PLCL2: variants seen among roughly 807,000 people sequenced by gnomAD.
The protein encoded by PLCL2 is phospholipase C like 2, also known as inactive phospholipase C-like protein 2.
PLCL2 carries 4 observed loss-of-function variants against 79.6 expected under a neutral mutation model. The observed-to-expected ratio is 0.05, with a 90% CI of 0.02 to 0.11. PLCL2 has a LOEUF of 0.11. PLCL2 is among the 10% of genes least tolerant of loss of function. PLCL2 has a pLI of 1.00. For missense variants in PLCL2, 895 were observed against 1,291.0 expected, an observed-to-expected ratio of 0.69 and a Z score of 4.70; for synonymous variants, 484 against 457.7, an observed-to-expected ratio of 1.06 and a Z score of -0.73.
chr3:17,084,932 G>A (rs760393528), intron 5 of PLCL2, among the ~76,000 whole-genome samples: 29 of 152,078 alleles, frequency 1.9e-4, no homozygotes, highest in Non-Finnish European at 4.0e-4. Flanking sequence ...CCTAGCTAAT[G>A]AAGAAAGACA....
chr3:16,963,436 T>A (rs2063774851), intron 1 of PLCL2, among the ~76,000 whole-genome samples: 1 of 152,174 alleles, frequency 6.6e-6, no homozygotes, highest in African/African-American at 2.4e-5. Flanking sequence ...TGTATATTAG[T>A]AATTCATGAA....
intron 3 of PLCL2, among the ~76,000 whole-genome samples, chr3:17,026,214 A>C (rs2124905086): frequency 6.6e-6 from 1 of 152,332 alleles, no homozygotes; most frequent in East Asian, 1.9e-4. Flanking sequence ...AGGGCATTTA[A>C]AATTCTGAGC....
At chr3:17,088,050 A>C (rs955086990) in intron 5 of PLCL2, among the ~76,000 whole-genome samples, 5 of 152,214 alleles carry the variant, frequency 3.3e-5, no homozygotes, top group African/African-American at 1.2e-4. Flanking sequence ...TCCTTTAGTT[A>C]ATCTACGCAA....
chr3:17,009,842 G>A lies in PLCL2; in HGVS notation c.496G>A (p.Asp166Asn), dbSNP rs1215905467. ...SRIYHRYFLL[D>N]ADMQSLRWEP... ...AATTTATCATAGGTACTTTTTACTG[G>A]ATGCTGACATGCAGAGCCTAAGGTG... The change falls in exon 2 of 6, where the codon GAT (aspartate) becomes AAT (asparagine). Residue 166 changes from aspartate (D) to asparagine (N), a missense_variant. This residue lies in a region of PLCL2 where 129 missense variants were observed against 208.8 expected (regional missense o/e 0.62). Transcript: ENST00000615277. The surrounding 1 kb of genome is among the most constrained non-coding windows in gnomAD (Gnocchi z 4.0). 1 of 1,613,786 alleles carries A rather than the reference G, an allele frequency of 6.2e-7. No homozygotes were observed. Among genetic ancestry groups the A allele is most frequent in the East Asian group, 2.2e-5 (1 of 44,862 alleles).
intron 1 of PLCL2, among the ~76,000 whole-genome samples, chr3:16,960,257 A>G (rs1192571891): frequency 6.6e-6 from 1 of 152,082 alleles, no homozygotes; most frequent in Non-Finnish European, 1.5e-5. Flanking sequence ...AGCCCACTCC[A>G]TTGTCTTGTA....
intron 5 of PLCL2, among the ~76,000 whole-genome samples, chr3:17,075,803 A>G (rs996575108): frequency 6.6e-6 from 1 of 152,196 alleles, no homozygotes; most frequent in African/African-American, 2.4e-5. Flanking sequence ...GGCTTATTTC[A>G]TGTAGCATTG....
In PLCL2 at chr3:16,980,928, G is replaced by C. The variant is rs532538337; in HGVS notation, c.328-28746G>C. Among the ~76,000 whole-genome samples, 288 of 152,376 alleles carry C rather than the reference G, an allele frequency of 1.9e-3. 2 individuals are homozygous for C. The highest frequency in any genetic ancestry group is 2.5e-3 in the Non-Finnish European group (169 of 68,032). ...GCTGGCGGATCACTCACGGTTAGGAGCTGGAGACCAGCCCGGCCAACACAG... is the reference window on the plus strand; with the variant it reads ...GCTGGCGGATCACTCACGGTTAGGACCTGGAGACCAGCCCGGCCAACACAG... On this transcript the variant is annotated intron_variant, in intron 1 of 5. Coordinates refer to ENST00000615277, the MANE Select transcript of PLCL2 (RefSeq NM_001144382.2).
At chr3:17,037,244 A>G (rs2064667924) in intron 3 of PLCL2, among the ~76,000 whole-genome samples, 2 of 152,148 alleles carry the variant, frequency 1.3e-5, no homozygotes, top group African/African-American at 4.8e-5. Flanking sequence ...CTGAAGCCAC[A>G]TCTTGCCACC....
intron 1 of PLCL2, among the ~76,000 whole-genome samples, chr3:16,990,397 T>C (rs1021502391): frequency 1.3e-5 from 2 of 152,210 alleles, no homozygotes; most frequent in African/African-American, 2.4e-5. Context: ...CCCTTCTGCA[T>C]TGGTGGTCAG....
intron 1 of PLCL2, among the ~76,000 whole-genome samples, chr3:16,905,530 A>G (rs1320966249): frequency 2.0e-5 from 3 of 152,192 alleles, no homozygotes; most frequent in Non-Finnish European, 4.4e-5. Context: ...TGATTTTTGC[A>G]TTTAAATGAG....
chr3:16,906,617 A>T (rs1208259025), intron 1 of PLCL2, among the ~76,000 whole-genome samples: 1 of 152,224 alleles, frequency 6.6e-6, no homozygotes, highest in Non-Finnish European at 1.5e-5. Flanking sequence ...TTTGCAATGA[A>T]AAATATTTTA....
At chr3:16,932,229 A>T (rs972886239) in intron 1 of PLCL2, among the ~76,000 whole-genome samples, 8 of 152,214 alleles carry the variant, frequency 5.3e-5, no homozygotes, top group African/African-American at 1.9e-4. Flanking sequence ...TTTGAAAACC[A>T]TTCTGCTATG....
intron 4 of PLCL2, among the ~76,000 whole-genome samples, chr3:17,060,762 G>GAGCTC (rs1266704873): frequency 6.6e-6 from 1 of 152,130 alleles, no homozygotes; most frequent in Non-Finnish European, 1.5e-5. Context: ...CCTCTTGAAT[G>GAGCTC]AGGTCCCAAA....
chr3:16,955,620 G>C (rs1358625553), intron 1 of PLCL2, among the ~76,000 whole-genome samples: 1 of 152,156 alleles, frequency 6.6e-6, no homozygotes, highest in Non-Finnish European at 1.5e-5. Flanking sequence ...ACCTTGGGCA[G>C]TATGGCCATT....
chr3:16,986,273 A>G (rs1358579367), intron 1 of PLCL2, among the ~76,000 whole-genome samples: 2 of 152,136 alleles, frequency 1.3e-5, no homozygotes, highest in South Asian at 2.1e-4. Context: ...GGTTCACACA[A>G]GGTAATGCAT....
intron 1 of PLCL2, among the ~76,000 whole-genome samples, chr3:16,922,542 C>T (rs1017028574): frequency 5.9e-5 from 9 of 152,078 alleles, no homozygotes; most frequent in Non-Finnish European, 1.2e-4. Context: ...CATTTATACT[C>T]TTCCTATGCA....
At chr3:16,963,522 T>C (rs1260121079) in intron 1 of PLCL2, among the ~76,000 whole-genome samples, 1 of 152,166 alleles carries the variant, frequency 6.6e-6, no homozygotes, top group African/African-American at 2.4e-5. Flanking sequence ...CCAGCAAATA[T>C]ACATACCTGA....
chr3:17,045,285 T>C (rs966294351), intron 4 of PLCL2, among the ~76,000 whole-genome samples: 13 of 152,170 alleles, frequency 8.5e-5, no homozygotes, highest in African/African-American at 1.2e-4. Context: ...CACAAACATA[T>C]ATTTTTATTA....
chr3:17,067,158 A>G (rs932345231), intron 4 of PLCL2, among the ~76,000 whole-genome samples: 3 of 152,148 alleles, frequency 2.0e-5, no homozygotes, highest in Non-Finnish European at 4.4e-5. Context: ...CTAGAACATC[A>G]TATTTTTCAC....
Sources: allele counts gnomAD v4.1 joint callset (sites outside exome capture counted in the v4.1 genomes callset), GRCh38; gene constraint gnomAD v4.1.1; regional missense constraint gnomAD v4.1.1; non-coding constraint Gnocchi (gnomAD v3.1); transcripts MANE v1.5; gene names NCBI Gene and HGNC (gene_info 2026-07-23, HGNC 2026-07-21).